The following FIP1L1 variants were observed in gnomAD, a reference collection of about 807,000 sequenced individuals.
FIP1L1 encodes pre-mRNA 3'-end-processing factor FIP1.
FIP1L1 carries 21 observed loss-of-function variants against 84.6 expected under a neutral mutation model. The observed-to-expected ratio is 0.25, with a 90% CI of 0.18 to 0.36. The LOEUF is 0.36. Among genes scored for constraint, FIP1L1 ranks in the 10% least tolerant of loss-of-function variants. The pLI, the probability that FIP1L1 is intolerant of heterozygous loss-of-function variation, is 1.00. For synonymous variants in FIP1L1, 263 were observed against 242.3 expected (o/e 1.09, Z -0.80); for missense variants, 526 against 751.1 (o/e 0.70, Z 3.50).
chr4:53,389,952 A>G (rs960418845), intron 6 of FIP1L1, 79 bp downstream of exon 6: 16 of 1,024,102 alleles, frequency 1.6e-5, no homozygotes, highest in Admixed American at 7.3e-5. Flanking sequence ...TTTTTTTTTT[A>G]GTCGGGGACA....
At chr4:53,440,899 GTCTT>G (rs1771598887) in intron 13 of FIP1L1, 1 of 272,468 alleles carries the variant, frequency 3.7e-6, no homozygotes, top group South Asian at 5.6e-5. Context: ...TCTTAAAAAT[GTCTT>G]TACAGACCAA....
At chr4:53,400,242 G>A (rs553735631) in intron 10 of FIP1L1, among the ~76,000 whole-genome samples, 2 of 152,184 alleles carry the variant, frequency 1.3e-5, no homozygotes, top group African/African-American at 2.4e-5. Context: ...TAGTGAAAGA[G>A]GCTATTGAAA....
At chr4:53,408,574 A>T (rs1207372690) in intron 10 of FIP1L1, among the ~76,000 whole-genome samples, 1 of 152,160 alleles carries the variant, frequency 6.6e-6, no homozygotes, top group South Asian at 2.1e-4. Context: ...CTCCTGGATA[A>T]TATCCTGCAG....
Position 53,397,198 on chromosome 4 carries a change from A to G in FIP1L1, c.706-2532A>G, listed in dbSNP as rs528353860. On this transcript the variant is annotated intron_variant, in intron 9 of 17. Coordinates refer to ENST00000337488, the MANE Select transcript of FIP1L1 (RefSeq NM_030917.4). ...AAGAAGAAAATCCGATGACACTAAT[A>G]CATCATCCCAGATGCTTTCAAAGGA... Among the ~76,000 whole-genome samples the G allele has an allele frequency of 3.3e-5, 5 of 152,366 alleles. No homozygotes were observed. The East Asian group carries it at 5.8e-4, about 18-fold the overall frequency.
chr4:53,429,600 T>A (rs1765697383), intron 13 of FIP1L1, among the ~76,000 whole-genome samples: 1 of 152,226 alleles, frequency 6.6e-6, no homozygotes, highest in African/African-American at 2.4e-5. Context: ...TCTGTTGGAT[T>A]CCTTTGTAAT....
chr4:53,401,062 T>C (rs2149500759), intron 10 of FIP1L1, among the ~76,000 whole-genome samples: 1 of 152,312 alleles, frequency 6.6e-6, no homozygotes, highest in Admixed American at 6.5e-5. Flanking sequence ...TCTCTAATCT[T>C]ATGCCTTGAT....
At chr4:53,379,583 T>C (rs1175132313) in intron 3 of FIP1L1, among the ~76,000 whole-genome samples, 1 of 152,236 alleles carries the variant, frequency 6.6e-6, no homozygotes, top group Non-Finnish European at 1.5e-5. Flanking sequence ...ATAAAAATAT[T>C]TTAACTTAAT....
intron 9 of FIP1L1, among the ~76,000 whole-genome samples, chr4:53,394,978 C>A (rs1291652925): frequency 5.3e-5 from 8 of 151,942 alleles, no homozygotes. Context: ...ACAGTGGTAG[C>A]ATAATTTGGG....
chr4:53,377,955 T>C (rs1480365776), intron 1 of FIP1L1, 32 bp downstream of exon 1: 1 of 1,531,544 alleles, frequency 6.5e-7, no homozygotes. Flanking sequence ...TCTCTCGGGT[T>C]CTCTCAGGCC....
intron 8 of FIP1L1, 65 bp from the exon 9 acceptor site, chr4:53,391,365 C>A: frequency 7.2e-7 from 1 of 1,394,864 alleles, no homozygotes; most frequent in Non-Finnish European, 1.0e-6. Context: ...GCTAGTTTGT[C>A]TTTATATGGC....
At chr4:53,437,566 G>A (rs1769949191) in intron 13 of FIP1L1, among the ~76,000 whole-genome samples, 1 of 151,818 alleles carries the variant, frequency 6.6e-6, no homozygotes, top group African/African-American at 2.4e-5. Flanking sequence ...AACATCATCT[G>A]GGAAATTTAG....
chr4:53,435,368 A>G (rs1370979996), intron 13 of FIP1L1, among the ~76,000 whole-genome samples: 1 of 152,154 alleles, frequency 6.6e-6, no homozygotes, highest in Non-Finnish European at 1.5e-5. Context: ...TGTTGAATCT[A>G]ATTACAGTTT....
At chr4:53,389,520 T>C (rs1743000106) in intron 5 of FIP1L1, among the ~76,000 whole-genome samples, 1 of 152,216 alleles carries the variant, frequency 6.6e-6, no homozygotes, top group Non-Finnish European at 1.5e-5. Flanking sequence ...TTAAAATGTT[T>C]TTTAAAATAT....
chr4:53,457,974 C>T (rs1720228062), intron 16 of FIP1L1, among the ~76,000 whole-genome samples: 1 of 152,078 alleles, frequency 6.6e-6, no homozygotes, highest in South Asian at 2.1e-4. Flanking sequence ...GATGCAGCTT[C>T]TATTTATGCA....
intron 10 of FIP1L1, among the ~76,000 whole-genome samples, chr4:53,408,716 A>T (rs1319997456): frequency 2.0e-5 from 3 of 151,668 alleles, no homozygotes; most frequent in African/African-American, 7.3e-5. Flanking sequence ...TTTTCTCTAA[A>T]CTTCCCTTCT....
chr4:53,389,906 G>A (rs1743231337), intron 6 of FIP1L1, 33 bp downstream of exon 6: 2 of 1,509,480 alleles, frequency 1.3e-6, no homozygotes, highest in African/African-American at 2.8e-5. Flanking sequence ...CATCAATAGG[G>A]AAATAAGGCA....
chr4:53,405,833 G>C (rs1414404122), intron 10 of FIP1L1, among the ~76,000 whole-genome samples: 1 of 151,680 alleles, frequency 6.6e-6, no homozygotes, highest in Non-Finnish European at 1.5e-5. Flanking sequence ...GTATAAGAAT[G>C]CTTGTGATTT....
At chr4:53,406,618 G>A (rs1753647249) in intron 10 of FIP1L1, among the ~76,000 whole-genome samples, 1 of 152,086 alleles carries the variant, frequency 6.6e-6, no homozygotes, top group Non-Finnish European at 1.5e-5. Context: ...GGTAGAATTC[G>A]GCTGTGAATC....
chr4:53,383,249 A>G (rs796376042), intron 4 of FIP1L1, among the ~76,000 whole-genome samples: 15 of 152,340 alleles, frequency 9.8e-5, no homozygotes, highest in African/African-American at 3.1e-4. Flanking sequence ...GATGATGCCA[A>G]AAAGATTTCA....
Sources: allele counts gnomAD v4.1 joint callset (sites outside exome capture counted in the v4.1 genomes callset), GRCh38; gene constraint gnomAD v4.1.1; transcripts MANE v1.5; gene names NCBI Gene and HGNC (gene_info 2026-07-23, HGNC 2026-07-21).